GABBR2: variants seen among roughly 807,000 people sequenced by gnomAD.
GABBR2 encodes the protein gamma-aminobutyric acid type B receptor subunit 2, also known as G-protein coupled receptor 51.
In GABBR2, 23 loss-of-function variants were observed where a neutral mutation model predicts 105.6. The ratio of observed to expected loss-of-function variants is 0.22; its 90% CI spans 0.16 to 0.31. The LOEUF (loss-of-function observed/expected upper bound fraction) is 0.31, where lower values mean the gene tolerates loss of function less well. GABBR2 is among the 10% of genes least tolerant of loss of function. The pLI is 1.00. For synonymous variants in GABBR2, 478 were observed against 499.7 expected, an observed-to-expected ratio of 0.96 and a Z score of 0.58; for missense variants, 734 against 1,245.5, an observed-to-expected ratio of 0.59 and a Z score of 6.18.
chr9:98,480,385 G>A (rs1030905413), intron 5 of GABBR2, among the ~76,000 whole-genome samples: 1 of 152,160 alleles, frequency 6.6e-6, no homozygotes. Flanking sequence ...ATTGGCTGAG[G>A]GCCCTTGGAC....
At chr9:98,293,641 A>G in intron 18 of GABBR2, 144 bp downstream of exon 18, 1 of 561,386 alleles carries the variant, frequency 1.8e-6, no homozygotes, top group Non-Finnish European at 3.2e-6. Flanking sequence ...CTGTAAAAAG[A>G]GCACTGTAAT....
chr9:98,578,127 G>A, intron 1 of GABBR2, 55 bp from the exon 2 acceptor site: 2 of 1,593,646 alleles, frequency 1.3e-6, no homozygotes, highest in Middle Eastern at 1.7e-4. Context: ...TTTTCCCCAG[G>A]GGCATGAGCC....
chr9:98,325,308 T>G (rs1319692625), intron 13 of GABBR2, among the ~76,000 whole-genome samples: 1 of 145,046 alleles, frequency 6.9e-6, no homozygotes, highest in Non-Finnish European at 1.5e-5. Flanking sequence ...TTTTTTTTTT[T>G]TGAGACAGAG....
chr9:98,581,712 C>A (rs528452440), intron 1 of GABBR2, among the ~76,000 whole-genome samples: 1 of 151,976 alleles, frequency 6.6e-6, no homozygotes, highest in East Asian at 1.9e-4. Context: ...TTTACTGAAT[C>A]ATTTATAGTT....
At chr9:98,422,514 G>GTGTGTGTA (rs1554703984) in intron 7 of GABBR2, among the ~76,000 whole-genome samples, 8 of 151,898 alleles carry the variant, frequency 5.3e-5, no homozygotes, top group East Asian at 1.9e-4. Context: ...GTGTGTGTGT[G>GTGTGTGTA]TGTGTGTCTG....
intron 5 of GABBR2, among the ~76,000 whole-genome samples, chr9:98,480,174 T>C (rs1431688773): frequency 1.3e-5 from 2 of 152,334 alleles, no homozygotes; most frequent in South Asian, 2.1e-4. Flanking sequence ...CTCACCTGCC[T>C]GGGCTTTCAT....
intron 1 of GABBR2, among the ~76,000 whole-genome samples, chr9:98,594,531 G>A (rs907727839): frequency 1.7e-4 from 26 of 152,206 alleles, no homozygotes; most frequent in Non-Finnish European, 2.9e-4. Flanking sequence ...TTGCTGGAGG[G>A]GTGGGGCCCA....
intron 1 of GABBR2, among the ~76,000 whole-genome samples, chr9:98,668,981 T>C (rs1318355400): frequency 6.6e-6 from 1 of 152,124 alleles, no homozygotes; most frequent in Non-Finnish European, 1.5e-5. Context: ...CCCTTTCAGC[T>C]ATTGTGAATA....
intron 3 of GABBR2, among the ~76,000 whole-genome samples, chr9:98,501,488 A>T (rs1827399738): frequency 6.6e-6 from 1 of 152,022 alleles, no homozygotes; most frequent in African/African-American, 2.4e-5. Flanking sequence ...AAAACATATC[A>T]CATCTAGAAT....
At chr9:98,683,489 G>A (rs1336673195) in intron 1 of GABBR2, among the ~76,000 whole-genome samples, 2 of 152,112 alleles carry the variant, frequency 1.3e-5, no homozygotes, top group Non-Finnish European at 2.9e-5. Flanking sequence ...AAAATTAAAC[G>A]AGATCATGCA....
intron 12 of GABBR2, among the ~76,000 whole-genome samples, chr9:98,369,488 T>C (rs1285763236): frequency 6.6e-6 from 1 of 152,036 alleles, no homozygotes; most frequent in Non-Finnish European, 1.5e-5. Context: ...GACAATACTA[T>C]GTTAATGTGT....
At chr9:98,352,458 C>A (rs1831416341) in intron 13 of GABBR2, among the ~76,000 whole-genome samples, 1 of 152,034 alleles carries the variant, frequency 6.6e-6, no homozygotes, top group Admixed American at 6.5e-5. Context: ...GCCCTAGGGC[C>A]CCTATGAAGT....
chr9:98,617,996 T>A (rs1391370280), intron 1 of GABBR2, among the ~76,000 whole-genome samples: 2 of 152,162 alleles, frequency 1.3e-5, no homozygotes, highest in East Asian at 1.9e-4. Context: ...TCTGTGAGGA[T>A]AAAAAATGGG....
chr9:98,503,308 T>C (rs1588199305), intron 3 of GABBR2, among the ~76,000 whole-genome samples: 1 of 152,220 alleles, frequency 6.6e-6, no homozygotes, highest in East Asian at 1.9e-4. Context: ...GCTGTCGGAA[T>C]GAACTGAGAA....
rs552014819 is a variant in GABBR2, at chr9:98,438,144, G to A, written c.1236+15837C>T. ...TCCATCCATATTTACCTACCCACAC[G>A]TTATCCCTCCATCTATATCCATCTA... On this transcript the variant is annotated intron_variant, in intron 7 of 18. Coordinates refer to ENST00000259455, the MANE Select transcript of GABBR2 (RefSeq NM_005458.8). Among the ~76,000 whole-genome samples, 13 of 144,100 alleles carry A rather than the reference G, an allele frequency of 9.0e-5. No homozygotes were observed. In the East Asian group the frequency reaches 2.1e-3, roughly 24 times the overall value. The allele number at this position is 144,100 out of a possible 152,430, so 94.5% of individuals were successfully genotyped here.
intron 2 of GABBR2, among the ~76,000 whole-genome samples, chr9:98,576,933 T>TGGATGGATGGATAGATGGAA (rs1828918082): frequency 6.9e-6 from 1 of 145,426 alleles, no homozygotes; most frequent in Non-Finnish European, 1.5e-5. Flanking sequence ...GATGGATGGA[T>TGGATGGATGGATAGATGGAA]GGATGGATGG....
At chr9:98,402,212 A>T (rs935910236) in intron 8 of GABBR2, among the ~76,000 whole-genome samples, 1 of 152,142 alleles carries the variant, frequency 6.6e-6, no homozygotes, top group African/African-American at 2.4e-5. Context: ...GCAGATGCTG[A>T]GTTTTCTCTA....
At chr9:98,485,278 C>A (rs777483593) in intron 4 of GABBR2, among the ~76,000 whole-genome samples, 4 of 152,042 alleles carry the variant, frequency 2.6e-5, no homozygotes, top group Non-Finnish European at 5.9e-5. Context: ...AAGGAAACAG[C>A]GGTGGGAATG....
chr9:98,473,169 G>T lies in GABBR2; in HGVS notation c.976C>A (p.Gln326Lys). ...GVDFEPLSSK[Q>K]IKTISGKTPQ... Reference sequence around the variant, plus strand: ...ACCTTTCCTGAGATGGTCTTGATCTGCTTGGAGCTCAGGGGCTCGAAATCC... The same window carrying T: ...ACCTTTCCTGAGATGGTCTTGATCTTCTTGGAGCTCAGGGGCTCGAAATCC... The change falls in exon 6 of 19, where the codon CAG (glutamine) becomes AAG (lysine). Residue 326 changes from glutamine to lysine, a missense_variant. By Grantham distance (53) the Gln-to-Lys change is moderately conservative. Coordinates refer to ENST00000259455, the MANE Select transcript of GABBR2 (RefSeq NM_005458.8). 6.2e-7 allele frequency: 1 copy of T among 1,613,664 alleles called. No individual in the cohort carries two copies. The highest frequency in any genetic ancestry group is 8.5e-7 in the Non-Finnish European group (1 of 1,179,754).
Sources: gnomAD v4.1 joint callset for allele counts (sites outside exome capture counted in the v4.1 genomes callset) on GRCh38, gnomAD v4.1.1 for gene constraint, MANE v1.5 for transcripts, NCBI Gene and HGNC (gene_info 2026-07-23, HGNC 2026-07-21) for gene names.